Variants in RUBCN observed in about 807,000 individuals in gnomAD.
RUBCN encodes the protein rubicon autophagy regulator.
A neutral mutation model predicts 113.2 loss-of-function variants in RUBCN; 74 were observed. The ratio of observed to expected loss-of-function variants is 0.65; its 90% CI spans 0.54 to 0.79. RUBCN has a LOEUF of 0.79. RUBCN is among the 30% of genes least tolerant of loss of function. The pLI, the probability that RUBCN is intolerant of heterozygous loss-of-function variation, is 0.00. For synonymous variants in RUBCN, 480 were observed against 490.0 expected (o/e 0.98, Z 0.27); for missense variants, 1,109 against 1,251.7 (o/e 0.89, Z 1.72).
Position 197,675,791 on chromosome 3 carries a change from A to G in RUBCN, c.2647-276T>C, listed in dbSNP as rs1234401990. ...GAGGAGAAGGAGGAAATGGCACCACAAAGGGCTTCCTAAGCCGACAGTCCC... is the reference window on the plus strand; with the variant it reads ...GAGGAGAAGGAGGAAATGGCACCACGAAGGGCTTCCTAAGCCGACAGTCCC... On this transcript the variant is annotated intron_variant, in intron 18 of 19. Transcript: ENST00000296343. The surrounding 1 kb of genome is among the most constrained non-coding windows in gnomAD (Gnocchi z 4.4). Among the ~76,000 whole-genome samples the G allele has an allele frequency of 6.6e-6, 1 of 152,234 alleles. No homozygotes were observed. The highest frequency in any genetic ancestry group is 1.5e-5 in the Non-Finnish European group (1 of 68,030).
rs1208806866 is a variant in RUBCN at position 197,674,504 on chromosome 3, G to A, written c.*514C>T. The A allele has an allele frequency of 3.9e-6, 2 of 509,520 alleles. No homozygotes were observed. The allele number at this position is 509,520 out of a possible 1,614,324, so 31.6% of individuals were successfully genotyped here. A position where few individuals can be genotyped will look rare whatever the true frequency, so the allele number is the denominator to read the frequency against. ...AAGTGGACGAAATGCCCATGACGTA[G>A]TCCTATTCTCTGCTGCTTCTCCTCG... On this transcript the variant is annotated 3_prime_UTR_variant, in exon 20 of 20. Transcript: ENST00000296343.
At chr3:197,703,040 C>T (rs1247244395) in intron 5 of RUBCN, among the ~76,000 whole-genome samples, 1 of 152,022 alleles carries the variant, frequency 6.6e-6, no homozygotes, top group Non-Finnish European at 1.5e-5. Flanking sequence ...ACTAAGCACA[C>T]GACCTAAGCC....
chr3:197,698,597 A>G (rs1370939179), intron 7 of RUBCN, among the ~76,000 whole-genome samples: 1 of 152,224 alleles, frequency 6.6e-6, no homozygotes, highest in Non-Finnish European at 1.5e-5. Context: ...AAAACAAAAA[A>G]ACCAAACATG....
Position 197,701,846 on chromosome 3 carries a change from T to C in RUBCN, c.589A>G (p.Ser197Gly), listed in dbSNP as rs762929511. Residue 197 changes from serine (S) to glycine (G), a missense_variant, in exon 6 of 20, where the codon AGC (serine) becomes GGC (glycine). Transcript: ENST00000296343. ...TGGCTCTTTGTCACCAGGAGCGGGCTCTCGTGCTTTCTGGCAAACTAAAAA... is the reference window on the plus strand; with the variant it reads ...TGGCTCTTTGTCACCAGGAGCGGGCCCTCGTGCTTTCTGGCAAACTAAAAA... ...DASMFARKHE[S>G]PLLVTKSQSL... The C allele has an allele frequency of 7.4e-6, 12 of 1,614,148 alleles. No homozygotes were observed. Among genetic ancestry groups the C allele is most frequent in the Non-Finnish European group, 9.3e-6 (11 of 1,180,032 alleles).
chr3:197,695,914 G>A lies in RUBCN; in HGVS notation c.1425C>T (p.Ile475=), dbSNP rs781500046. Reference sequence around the variant, plus strand: ...CGAAGTCTTGCTCAGAGAGGTAGCTGATGAGGGACTGTCCTTCTGATGGTC... The same window carrying A: ...CGAAGTCTTGCTCAGAGAGGTAGCTAATGAGGGACTGTCCTTCTGATGGTC... The part of the protein sequence containing the change: ...FRRPSEGQSL[I]SYLSEQDFGS... Residue 475 remains isoleucine, a synonymous_variant, in exon 9 of 20, where the codon ATC becomes ATT. Coordinates refer to ENST00000296343, the MANE Select transcript of RUBCN (RefSeq NM_014687.4). 3.1e-6 allele frequency: 5 copies of A among 1,614,202 alleles called. No individual in the cohort carries two copies. Among genetic ancestry groups the A allele is most frequent in the Non-Finnish European group, 3.4e-6 (4 of 1,180,038 alleles).
At chr3:197,697,142 C>G (rs1461099719) in intron 7 of RUBCN, 93 bp from the exon 8 acceptor site, 4 of 720,186 alleles carry the variant, frequency 5.6e-6, no homozygotes, top group African/African-American at 1.7e-5. Context: ...AACTGCACCC[C>G]TTCCCAAAGC....
At chr3:197,686,252 T>C (rs1418695188) in intron 11 of RUBCN, among the ~76,000 whole-genome samples, 3 of 152,300 alleles carry the variant, frequency 2.0e-5, no homozygotes, top group Admixed American at 1.3e-4. Flanking sequence ...AAGAAACCTT[T>C]TTTTTTTCCT....
chr3:197,673,068 C>G lies in RUBCN; in HGVS notation c.*1950G>C, dbSNP rs1408447054. The G allele has an allele frequency of 6.6e-6, 1 of 152,208 alleles. No individual in the cohort carries two copies. Among genetic ancestry groups the G allele is most frequent in the Admixed American group, 6.5e-5 (1 of 15,274 alleles). 9.4% of individuals were successfully genotyped at this position (152,208 alleles called of 1,614,324 possible). On this transcript the variant is annotated 3_prime_UTR_variant, in exon 20 of 20. Coordinates refer to ENST00000296343, the MANE Select transcript of RUBCN (RefSeq NM_014687.4). Reference sequence around the variant, plus strand: ...CTGGGTCTGAATCTGGGACCTAACCCCTAGTTAAACTTGAGTTCTGTGGGG... The same window carrying G: ...CTGGGTCTGAATCTGGGACCTAACCGCTAGTTAAACTTGAGTTCTGTGGGG...
intron 1 of RUBCN, among the ~76,000 whole-genome samples, chr3:197,724,118 A>C (rs1423006930): frequency 1.3e-5 from 2 of 152,110 alleles, no homozygotes; most frequent in Non-Finnish European, 2.9e-5. Flanking sequence ...ATAAAATACC[A>C]ACTACCTTCT....
chr3:197,705,073 G>T lies in RUBCN; in HGVS notation c.303+19C>A, dbSNP rs563465986. ...GACCCACAGCTCTGCCAGCACAGCC[G>T]CTCTGCTCTCACTCTTACCTTCTCC... On this transcript the variant is annotated intron_variant, in intron 3 of 19. Transcript: ENST00000296343. 2 of 1,598,778 alleles carry T rather than the reference G, an allele frequency of 1.3e-6. No homozygotes were observed. The highest frequency in any genetic ancestry group is 1.7e-6 in the Non-Finnish European group (2 of 1,167,538).
chr3:197,718,502 T>C (rs1725791648), intron 1 of RUBCN, among the ~76,000 whole-genome samples: 1 of 152,182 alleles, frequency 6.6e-6, no homozygotes, highest in Non-Finnish European at 1.5e-5. Flanking sequence ...CAGGCTGAAG[T>C]GTGGTGGCAT....
At position 197,674,280 on chromosome 3, in the gene RUBCN, GC is replaced by G. The variant is rs1259790526; in HGVS notation, c.*737del. On this transcript the variant is annotated 3_prime_UTR_variant, in exon 20 of 20. Transcript: ENST00000296343. The stretch of plus-strand genomic sequence containing the variant: ...GCTTGCGGCGTAAGGCTACAGGTGA[GC>G]CTGGCCTGAGCATCAGTTCTGTTCT... 2 of 164,010 alleles carry G rather than the reference GC, an allele frequency of 1.2e-5. No homozygotes were observed. Among genetic ancestry groups the G allele is most frequent in the Non-Finnish European group, 2.8e-5 (2 of 71,730 alleles). The allele number at this position is 164,010 out of a possible 1,614,324, so 10.2% of individuals were successfully genotyped here. A position where few individuals can be genotyped will look rare whatever the true frequency, so the allele number is the denominator to read the frequency against.
chr3:197,749,452 T>G, exon 1 of RUBCN: 1 of 1,259,548 alleles, frequency 7.9e-7, no homozygotes, highest in South Asian at 1.3e-5. Context: ...AGCGCAGCTG[T>G]AGGTGGAGGA....
At chr3:197,712,717 G>C (rs1303901620) in intron 2 of RUBCN, among the ~76,000 whole-genome samples, 2 of 151,778 alleles carry the variant, frequency 1.3e-5, no homozygotes, top group Non-Finnish European at 2.9e-5. Flanking sequence ...GGGGTTCTCA[G>C]GATAGGAGGC....
chr3:197,704,620 T>C lies in RUBCN; in HGVS notation c.385A>G (p.Ser129Gly). The change falls in exon 4 of 20, where the codon AGC (serine) becomes GGC (glycine). Residue 129 changes from serine to glycine, a missense_variant. Around this residue, in one of 3 missense-constraint regions of RUBCN, gnomAD observed 736 missense variants for 779.6 expected, o/e 0.94. Coordinates refer to ENST00000296343, the MANE Select transcript of RUBCN (RefSeq NM_014687.4). ...RAVAELWLQH[S>G]LQYHCLSAQL... ...GCTGAGAGGCAGTGGTACTGCAGGC[T>C]GTGCTGCAGCCACAGCTCGGCAACA... 6.2e-7 allele frequency: 1 copy of C among 1,614,126 alleles called. No individual in the cohort carries two copies. The highest frequency in any genetic ancestry group is 8.5e-7 in the Non-Finnish European group (1 of 1,179,926).
At chr3:197,696,039 T>G in intron 8 of RUBCN, 58 bp from the exon 9 acceptor site, 3 of 1,539,476 alleles carry the variant, frequency 1.9e-6, no homozygotes, top group Non-Finnish European at 2.7e-6. Flanking sequence ...TCTTAAGCTT[T>G]TGTCATTAAA....
chr3:197,700,644 C>T lies in RUBCN; in HGVS notation c.1230G>A (p.Ser410=), dbSNP rs116791711. ...GAKKSHIRSH[S]DTSIASRGAP... Reference sequence around the variant, plus strand: ...CTCCCCTGGAGGCAATGCTGGTATCCGAATGGGAGCGAATGTGGCTTTTCT... The same window carrying T: ...CTCCCCTGGAGGCAATGCTGGTATCTGAATGGGAGCGAATGTGGCTTTTCT... The change falls in exon 7 of 20, where the codon TCG becomes TCA. Residue 410 remains serine (S), a synonymous_variant. Transcript: ENST00000296343. 28,231 of 1,613,988 alleles carry T rather than the reference C, an allele frequency of 0.017. 336 individuals carry two copies. Among genetic ancestry groups the T allele is most frequent in the Non-Finnish European group, 0.019 (22,522 of 1,179,968 alleles).
intron 1 of RUBCN, among the ~76,000 whole-genome samples, chr3:197,722,992 T>C (rs1726335802): frequency 6.6e-6 from 1 of 152,130 alleles, no homozygotes; most frequent in Non-Finnish European, 1.5e-5. Context: ...GGTCTGTTAC[T>C]TGTTTTCTAG....
upstream of RUBCN, among the ~76,000 whole-genome samples, chr3:197,738,563 C>T (rs1303489072): frequency 6.6e-6 from 1 of 152,082 alleles, no homozygotes; most frequent in African/African-American, 2.4e-5. Context: ...CAATATTACT[C>T]ATTGGGATTT....
Sources: allele counts gnomAD v4.1 joint callset (sites outside exome capture counted in the v4.1 genomes callset), GRCh38; gene constraint gnomAD v4.1.1; regional missense constraint gnomAD v4.1.1; non-coding constraint Gnocchi (gnomAD v3.1); transcripts MANE v1.5; gene names NCBI Gene and HGNC (gene_info 2026-07-23, HGNC 2026-07-21).